The following DNAJC2 variants were observed in gnomAD, a reference collection of about 807,000 sequenced individuals.
The protein encoded by DNAJC2 is DnaJ heat shock protein family (Hsp40) member C2.
Under a neutral mutation model 94.0 loss-of-function variants are expected in DNAJC2, and 32 were observed. The observed-to-expected ratio is 0.34, with a 90% confidence interval of 0.26 to 0.46. The LOEUF is 0.46. DNAJC2 is among the 20% of genes least tolerant of loss of function. DNAJC2 has a pLI of 1.00. For missense variants in DNAJC2, 550 were observed against 719.5 expected, an observed-to-expected ratio of 0.76 and a Z score of 2.69; for synonymous variants, 210 against 229.7, an observed-to-expected ratio of 0.91 and a Z score of 0.77.
intron 12 of DNAJC2, among the ~76,000 whole-genome samples, chr7:103,318,493 TA>T (rs1818197805): frequency 6.6e-6 from 1 of 152,220 alleles, no homozygotes; most frequent in Non-Finnish European, 1.5e-5. Context: ...CCCTGGTCAC[TA>T]AAACTTGTGG....
At chr7:103,333,121 A>T (rs534924445) in intron 3 of DNAJC2, among the ~76,000 whole-genome samples, 2 of 152,264 alleles carry the variant, frequency 1.3e-5, no homozygotes, top group Admixed American at 6.5e-5. Context: ...CAGAATTTGG[A>T]GCATTTTGGA....
At chr7:103,313,356 A>C (rs961912189) in intron 15 of DNAJC2, 31 of 1,151,614 alleles carry the variant, frequency 2.7e-5, no homozygotes, top group South Asian at 7.5e-5. Context: ...TGTACTGTTT[A>C]TCTCTTAAAA....
At chr7:103,329,217 G>T in intron 3 of DNAJC2, 1 of 247,702 alleles carries the variant, frequency 4.0e-6, no homozygotes, top group Non-Finnish European at 7.9e-6. Flanking sequence ...CATGTGCCAG[G>T]CCTGTTTACC....
Position 103,315,881 on chromosome 7 carries a change from G to GA in DNAJC2, c.1529-11dup, listed in dbSNP as rs747596611. Reference sequence around the variant, plus strand: ...TCTTTTTGATGAGGGTCTGAGAAATGAAAAAAATTTAATACTTAACAGATC... The same window carrying GA: ...TCTTTTTGATGAGGGTCTGAGAAATGAAAAAAAATTTAATACTTAACAGATC... On this transcript the variant is annotated splice_polypyrimidine_tract_variant and intron_variant, in intron 14 of 16. Transcript: ENST00000379263. The GA allele has an allele frequency of 2.5e-6, 4 of 1,591,976 alleles. No individual in the cohort carries two copies. The highest frequency in any genetic ancestry group is 1.7e-6 in the Non-Finnish European group (2 of 1,165,198).
chr7:103,341,721 T>C (rs987579259), intron 2 of DNAJC2, 43 bp downstream of exon 2: 4 of 1,460,746 alleles, frequency 2.7e-6, no homozygotes, highest in Non-Finnish European at 3.7e-6. Flanking sequence ...TGTCTATGTC[T>C]AACAAAGCAT....
intron 3 of DNAJC2, among the ~76,000 whole-genome samples, chr7:103,332,405 A>T (rs2115995076): frequency 6.6e-6 from 1 of 152,294 alleles, no homozygotes; most frequent in South Asian, 2.1e-4. Context: ...TAGGTTTTGC[A>T]TACTCAGATT....
At chr7:103,319,057 C>T (rs1292032736) in intron 12 of DNAJC2, among the ~76,000 whole-genome samples, 1 of 152,034 alleles carries the variant, frequency 6.6e-6, no homozygotes, top group Non-Finnish European at 1.5e-5. Context: ...AGTAAAAATA[C>T]AAAAATCAGC....
rs773634289 is a variant in DNAJC2 at position 103,319,635 on chromosome 7, C to G, written c.1216G>C (p.Val406Leu). ...TGTTTTTCCAAAGCAGCCTTTCCTACTTCTTTTGTGCATGATGTGAGTGTT... is the reference window on the plus strand; with the variant it reads ...TGTTTTTCCAAAGCAGCCTTTCCTAGTTCTTTTGTGCATGATGTGAGTGTT... Reference protein sequence around the residue: ...NETLTSCTKEVGKAALEKQIE... With the variant: ...NETLTSCTKELGKAALEKQIE... The change falls in exon 12 of 17, where the codon GTA becomes CTA. Residue 406 changes from valine to leucine, a missense_variant. This residue lies in a region of DNAJC2 where 271 missense variants were observed against 302.6 expected (regional missense o/e 0.90). Transcript: ENST00000379263. 3.1e-6 allele frequency: 5 copies of G among 1,614,112 alleles called. No individual in the cohort carries two copies. The highest frequency in any genetic ancestry group is 4.2e-6 in the Non-Finnish European group (5 of 1,180,022).
At chr7:103,323,687 T>C (rs780715759) in intron 6 of DNAJC2, 24 bp from the exon 7 acceptor site, 1 of 1,365,228 alleles carries the variant, frequency 7.3e-7, no homozygotes, top group Non-Finnish European at 9.8e-7. Context: ...AAATAATACA[T>C]GATCAAGACA....
chr7:103,315,702 G>T, intron 15 of DNAJC2, 62 bp downstream of exon 15: 1 of 1,106,474 alleles, frequency 9.0e-7, no homozygotes, highest in Non-Finnish European at 1.4e-6. Flanking sequence ...CCTAAGTCTT[G>T]TACGTCCAAG....
intron 5 of DNAJC2, among the ~76,000 whole-genome samples, chr7:103,326,106 G>A (rs1335536669): frequency 6.6e-6 from 1 of 152,038 alleles, no homozygotes. Context: ...CGCCTCCCGA[G>A]GAGCTGGGAT....
chr7:103,328,672 T>C (rs989846542), intron 3 of DNAJC2, among the ~76,000 whole-genome samples: 2 of 152,130 alleles, frequency 1.3e-5, no homozygotes, highest in Non-Finnish European at 2.9e-5. Context: ...TGTAATCGTA[T>C]GTACTAATTT....
chr7:103,323,041 T>C (rs879345764), intron 7 of DNAJC2, among the ~76,000 whole-genome samples: 4 of 152,122 alleles, frequency 2.6e-5, no homozygotes, highest in Non-Finnish European at 5.9e-5. Flanking sequence ...GTGAGTCTCC[T>C]GCCTCAGCCT....
chr7:103,336,365 C>G (rs1819173910), intron 3 of DNAJC2: 1 of 152,116 alleles, frequency 6.6e-6, no homozygotes, highest in South Asian at 2.1e-4. Context: ...TTTTCGGAAA[C>G]AGAGTGTCGC....
chr7:103,324,335 T>C (rs138147731), intron 6 of DNAJC2, 147 bp downstream of exon 6: 4 of 582,296 alleles, frequency 6.9e-6, no homozygotes, highest in Non-Finnish European at 1.0e-5. Context: ...CTTAAAAGTG[T>C]AAATATCACA....
rs1817927464 is a variant in DNAJC2, at chr7:103,314,391, TAA to T, written c.1637-1292_1637-1291del. 9.1e-6 allele frequency: 9 copies of T among 985,278 alleles called. No homozygotes were observed. In the South Asian group the frequency reaches 1.9e-4, roughly 21 times the overall value. 61.0% of individuals were successfully genotyped at this position (985,278 alleles called of 1,614,324 possible). The stretch of plus-strand genomic sequence containing the variant: ...AGAGGAAGGAGCCTTCCCATTTCCA[TAA>T]AAGAGGCAAAGGAGTCATACCCACA... On this transcript the variant is annotated intron_variant, in intron 15 of 16. Coordinates refer to ENST00000379263, the MANE Select transcript of DNAJC2 (RefSeq NM_014377.3).
intron 2 of DNAJC2, among the ~76,000 whole-genome samples, chr7:103,339,722 C>A (rs62482403): frequency 0.089 from 13,580 of 152,054 alleles, 640 homozygotes; most frequent in South Asian, 0.13. Context: ...CTGTTTCAGC[C>A]TCCTGAGTAG....
At chr7:103,323,226 G>A (rs373512080) in intron 7 of DNAJC2, among the ~76,000 whole-genome samples, 5 of 152,034 alleles carry the variant, frequency 3.3e-5, no homozygotes, top group African/African-American at 7.3e-5. Flanking sequence ...CAGCACGCCC[G>A]GCCTAAACAG....
At chr7:103,314,306 T>A in intron 15 of DNAJC2, 1 of 985,408 alleles carries the variant, frequency 1.0e-6, no homozygotes, top group Non-Finnish European at 1.2e-6. Context: ...GTTGCAAAAC[T>A]CCTATGAGAA....
Sources: allele counts gnomAD v4.1 joint callset (sites outside exome capture counted in the v4.1 genomes callset), GRCh38; gene constraint gnomAD v4.1.1; regional missense constraint gnomAD v4.1.1; transcripts MANE v1.5; gene names NCBI Gene and HGNC (gene_info 2026-07-23, HGNC 2026-07-21).